FAM117B: variants seen among roughly 807,000 people sequenced by gnomAD.
The protein encoded by FAM117B is protein FAM117B.
In FAM117B, 22 loss-of-function variants were observed where a neutral mutation model predicts 52.8. The ratio of observed to expected loss-of-function variants is 0.42; its 90% confidence interval spans 0.30 to 0.59. The LOEUF is 0.59. Ranked by LOEUF, FAM117B falls within the 20% of genes least tolerant of loss-of-function variation. The pLI, the probability that FAM117B is intolerant of heterozygous loss-of-function variation, is 0.22. For synonymous variants in FAM117B, 309 were observed against 324.1 expected, an observed-to-expected ratio of 0.95 and a Z score of 0.50; for missense variants, 678 against 802.6, an observed-to-expected ratio of 0.84 and a Z score of 1.88.
At chr2:202,722,957 G>T (rs1044013943) in intron 2 of FAM117B, among the ~76,000 whole-genome samples, 6 of 152,030 alleles carry the variant, frequency 3.9e-5, no homozygotes, top group Admixed American at 2.6e-4. Flanking sequence ...TTTGTGACAG[G>T]TATTTTAACA....
rs147531920 is a variant in FAM117B at position 202,638,899 on chromosome 2, ATTG to A, written c.601+3117_601+3119del. The stretch of plus-strand genomic sequence containing the variant: ...ATGTCTCATAGTTTCATTCCCAGGA[ATTG>A]TTGTTTCACTCTAGTAAATATCCAT... On this transcript the variant is annotated intron_variant, in intron 1 of 7. Transcript: ENST00000392238. Among the ~76,000 whole-genome samples the A allele has an allele frequency of 5.5e-4, 84 of 152,352 alleles. No homozygotes were observed. The East Asian group carries it at 0.014, about 25-fold the overall frequency.
intron 2 of FAM117B, among the ~76,000 whole-genome samples, chr2:202,713,784 G>A (rs999578965): frequency 2.1e-4 from 32 of 152,088 alleles, no homozygotes; most frequent in African/African-American, 7.0e-4. Context: ...TTGGCTCACT[G>A]CAACCTCCAC....
intron 2 of FAM117B, among the ~76,000 whole-genome samples, chr2:202,720,349 T>C (rs1202877729): frequency 1.7e-4 from 26 of 152,022 alleles, no homozygotes; most frequent in Admixed American, 1.7e-3. Flanking sequence ...ATCAGAATAC[T>C]ACAGCTGTGA....
At chr2:202,746,006 C>T (rs1204761795) in intron 4 of FAM117B, among the ~76,000 whole-genome samples, 15 of 152,154 alleles carry the variant, frequency 9.9e-5, no homozygotes. Flanking sequence ...TAGTTGGAGA[C>T]TTCAAGACCT....
At chr2:202,662,488 A>G (rs1559096924) in intron 1 of FAM117B, among the ~76,000 whole-genome samples, 1 of 152,202 alleles carries the variant, frequency 6.6e-6, no homozygotes, top group Non-Finnish European at 1.5e-5. Context: ...GGGTGACTAT[A>G]GCTAATAGCA....
At chr2:202,731,575 C>T (rs1691351763) in intron 4 of FAM117B, among the ~76,000 whole-genome samples, 1 of 151,176 alleles carries the variant, frequency 6.6e-6, no homozygotes, top group Non-Finnish European at 1.5e-5. Flanking sequence ...GGATTACAGG[C>T]ACCTACCACC....
At position 202,681,634 on chromosome 2, in the gene FAM117B, G is replaced by C. The variant is rs971594136; in HGVS notation, c.602-14247G>C. ...GGAAAAATTCAAAATTCATAAAGCA[G>C]TGTTCAACATTTGTTTCCCAGTAAT... On this transcript the variant is annotated intron_variant, in intron 1 of 7. Coordinates refer to ENST00000392238, the MANE Select transcript of FAM117B (RefSeq NM_173511.4). 1.4e-4 allele frequency among the ~76,000 whole-genome samples: 22 copies of C among 152,234 alleles called. 1 individual carries two copies. The highest frequency in any genetic ancestry group is 1.4e-3 in the Admixed American group (21 of 15,282).
intron 2 of FAM117B, among the ~76,000 whole-genome samples, chr2:202,700,685 A>ATTTT (rs747907499): frequency 7.2e-6 from 1 of 138,124 alleles, no homozygotes; most frequent in African/African-American, 2.8e-5. Context: ...CTAAACAAGA[A>ATTTT]TTTTTTTTTT....
intron 1 of FAM117B, among the ~76,000 whole-genome samples, chr2:202,693,634 T>C (rs1427754035): frequency 6.6e-6 from 1 of 152,198 alleles, no homozygotes; most frequent in Non-Finnish European, 1.5e-5. Flanking sequence ...GCACATCTAA[T>C]TACTTTTTAA....
At chr2:202,661,800 C>T (rs1338833957) in intron 1 of FAM117B, among the ~76,000 whole-genome samples, 1 of 151,848 alleles carries the variant, frequency 6.6e-6, no homozygotes, top group African/African-American at 2.4e-5. Context: ...CCTGTAATCC[C>T]AGCTACTTGG....
chr2:202,720,271 A>G (rs1691129958), intron 2 of FAM117B, among the ~76,000 whole-genome samples: 1 of 152,096 alleles, frequency 6.6e-6, no homozygotes, highest in Admixed American at 6.6e-5. Context: ...AGTTCATAAA[A>G]TATCAGTGGA....
intron 1 of FAM117B, among the ~76,000 whole-genome samples, chr2:202,667,964 T>C (rs979044008): frequency 1.3e-5 from 2 of 151,638 alleles, no homozygotes; most frequent in East Asian, 3.9e-4. Context: ...GGCTCATGCC[T>C]GTAATTCTAG....
intron 4 of FAM117B, among the ~76,000 whole-genome samples, chr2:202,736,755 C>T (rs186631748): frequency 2.0e-5 from 3 of 151,942 alleles, no homozygotes; most frequent in African/African-American, 7.3e-5. Flanking sequence ...AGAGGGAGAC[C>T]CTGCTTTAGT....
At chr2:202,647,899 C>T (rs1689894154) in intron 1 of FAM117B, among the ~76,000 whole-genome samples, 1 of 152,120 alleles carries the variant, frequency 6.6e-6, no homozygotes, top group African/African-American at 2.4e-5. Context: ...GCTAGTTTAA[C>T]CCAAAAGAAA....
At chr2:202,661,558 A>G (rs1690127076) in intron 1 of FAM117B, among the ~76,000 whole-genome samples, 3 of 152,188 alleles carry the variant, frequency 2.0e-5, no homozygotes, top group Admixed American at 6.5e-5. Context: ...ATGAGTGTAT[A>G]AACCTGGGCC....
chr2:202,646,299 C>T (rs1689863021), intron 1 of FAM117B, among the ~76,000 whole-genome samples: 1 of 152,250 alleles, frequency 6.6e-6, no homozygotes, highest in African/African-American at 2.4e-5. Flanking sequence ...GCGTGAGCCG[C>T]TTGGCCTGGC....
intron 2 of FAM117B, among the ~76,000 whole-genome samples, chr2:202,715,570 C>A (rs1279898224): frequency 6.6e-6 from 1 of 151,342 alleles, no homozygotes; most frequent in African/African-American, 2.4e-5. Flanking sequence ...TGATGGTGGC[C>A]GGGAAGAGGC....
intron 1 of FAM117B, among the ~76,000 whole-genome samples, chr2:202,678,775 C>T (rs1690418324): frequency 6.6e-6 from 1 of 152,166 alleles, no homozygotes; most frequent in African/African-American, 2.4e-5. Context: ...CCAGGCTGGT[C>T]TTGAACTCCC....
At chr2:202,684,529 A>G (rs1690510073) in intron 1 of FAM117B, among the ~76,000 whole-genome samples, 1 of 151,970 alleles carries the variant, frequency 6.6e-6, no homozygotes, top group Non-Finnish European at 1.5e-5. Flanking sequence ...ATCGTGCCAT[A>G]TTTTTCAGAT....
Sources: gnomAD v4.1 joint callset for allele counts (sites outside exome capture counted in the v4.1 genomes callset) on GRCh38, gnomAD v4.1.1 for gene constraint, MANE v1.5 for transcripts, NCBI Gene and HGNC (gene_info 2026-07-23, HGNC 2026-07-21) for gene names.